The following ADAMTS19 variants were observed in gnomAD, a reference collection of about 807,000 sequenced individuals.
ADAMTS19 encodes ADAM metallopeptidase with thrombospondin type 1 motif 19.
ADAMTS19 carries 93 observed loss-of-function variants against 153.3 expected under a neutral mutation model. The observed-to-expected ratio is 0.61, with a 90% CI of 0.51 to 0.72. The LOEUF is 0.72. Among genes scored for constraint, ADAMTS19 ranks in the 30% least tolerant of loss-of-function variants. ADAMTS19 has a pLI of 0.00. For synonymous variants in ADAMTS19, 600 were observed against 556.6 expected (o/e 1.08, Z -1.10); for missense variants, 1,482 against 1,552.1 (o/e 0.95, Z 0.76).
intron 2 of ADAMTS19, among the ~76,000 whole-genome samples, chr5:129,462,400 TGTGATTTAC>T (rs1170927402): frequency 6.6e-6 from 1 of 152,244 alleles, no homozygotes; most frequent in African/African-American, 2.4e-5. Flanking sequence ...GTTATGGTTC[TGTGATTTAC>T]ATTTCATTTG....
At chr5:129,706,563 C>CAAAAAAAAAAAAA (rs1175652790) in intron 21 of ADAMTS19, among the ~76,000 whole-genome samples, 1 of 66,616 alleles carries the variant, frequency 1.5e-5, no homozygotes. Context: ...GAGTGAAACT[C>CAAAAAAAAAAAAA]AAAAAAAAAA....
chr5:129,712,341 C>T (rs886943190), intron 21 of ADAMTS19, among the ~76,000 whole-genome samples: 1 of 152,096 alleles, frequency 6.6e-6, no homozygotes, highest in African/African-American at 2.4e-5. Flanking sequence ...CCAAGATATC[C>T]TAAAAAAGAA....
intron 7 of ADAMTS19, among the ~76,000 whole-genome samples, chr5:129,581,842 G>A (rs1749531821): frequency 6.6e-6 from 1 of 152,016 alleles, no homozygotes; most frequent in South Asian, 2.1e-4. Context: ...ATTTATTTCT[G>A]CCTTAATTTC....
chr5:129,645,181 A>ACT (rs1379703462), intron 11 of ADAMTS19, among the ~76,000 whole-genome samples: 1 of 152,192 alleles, frequency 6.6e-6, no homozygotes, highest in African/African-American at 2.4e-5. Flanking sequence ...GTACTTTTAT[A>ACT]AATCAGATTG....
At chr5:129,568,179 C>T (rs2126857696) in intron 7 of ADAMTS19, among the ~76,000 whole-genome samples, 1 of 152,192 alleles carries the variant, frequency 6.6e-6, no homozygotes, top group African/African-American at 2.4e-5. Flanking sequence ...TTAAAGGAAA[C>T]TTGGAACATC....
intron 2 of ADAMTS19, among the ~76,000 whole-genome samples, chr5:129,506,104 A>C (rs1012106694): frequency 6.6e-6 from 1 of 152,202 alleles, no homozygotes; most frequent in Non-Finnish European, 1.5e-5. Flanking sequence ...CATTGCAGAT[A>C]AAACAATTTA....
At chr5:129,699,897 A>T (rs60612718) in intron 19 of ADAMTS19, among the ~76,000 whole-genome samples, 58 of 152,372 alleles carry the variant, frequency 3.8e-4, no homozygotes, top group African/African-American at 1.4e-3. Context: ...ATTGTATATC[A>T]GGAAATAATA....
intron 2 of ADAMTS19, among the ~76,000 whole-genome samples, chr5:129,508,783 A>T (rs1751342852): frequency 6.6e-6 from 1 of 152,040 alleles, no homozygotes; most frequent in South Asian, 2.1e-4. Context: ...TGGGTCTCCC[A>T]AAGTGAGCCT....
chr5:129,569,881 A>G (rs562200746), intron 7 of ADAMTS19, among the ~76,000 whole-genome samples: 3 of 152,140 alleles, frequency 2.0e-5, no homozygotes, highest in African/African-American at 4.8e-5. Context: ...TCTCACATCA[A>G]TAATCTAAGA....
At chr5:129,481,355 C>A (rs1017109564) in intron 2 of ADAMTS19, among the ~76,000 whole-genome samples, 9 of 152,128 alleles carry the variant, frequency 5.9e-5, no homozygotes, top group African/African-American at 2.2e-4. Flanking sequence ...GGAAACCACC[C>A]CCCATGATCT....
chr5:129,531,495 C>A (rs1418517064), intron 6 of ADAMTS19, among the ~76,000 whole-genome samples: 1 of 152,002 alleles, frequency 6.6e-6, no homozygotes, highest in Non-Finnish European at 1.5e-5. Flanking sequence ...CATGGTGGTG[C>A]ATGCCTGTAG....
intron 14 of ADAMTS19, among the ~76,000 whole-genome samples, chr5:129,658,305 AAGAAAAAGAAAGAAAGAAAGAAAG>A (rs1561632050): frequency 2.9e-5 from 3 of 104,920 alleles, no homozygotes; most frequent in African/African-American, 8.7e-5. Flanking sequence ...GAAAGAAAGA[AAGAAAAAGAAAGAAAGAAAGAAAG>A]AAAGAAAGAA....
chr5:129,517,633 G>T (rs2126741081), intron 3 of ADAMTS19, among the ~76,000 whole-genome samples: 1 of 151,746 alleles, frequency 6.6e-6, no homozygotes, highest in African/African-American at 2.4e-5. Context: ...TATTGGCCTG[G>T]CATATCTCTT....
chr5:129,580,030 A>G (rs1749431883), intron 7 of ADAMTS19, among the ~76,000 whole-genome samples: 4 of 152,142 alleles, frequency 2.6e-5, no homozygotes, highest in Admixed American at 6.5e-5. Context: ...TTTTGTCAGT[A>G]TGGCCATTTT....
chr5:129,711,950 A>T (rs1340430168), intron 21 of ADAMTS19, among the ~76,000 whole-genome samples: 1 of 151,970 alleles, frequency 6.6e-6, no homozygotes, highest in Non-Finnish European at 1.5e-5. Flanking sequence ...AACATAATAC[A>T]CTTTGGGTGA....
At chr5:129,656,552 C>T (rs550997824) in intron 14 of ADAMTS19, among the ~76,000 whole-genome samples, 73 of 152,300 alleles carry the variant, frequency 4.8e-4, no homozygotes, top group African/African-American at 1.7e-3. Context: ...ATGTTATTTG[C>T]GTATCTCCCG....
At chr5:129,682,339 C>T (rs1754858814) in intron 17 of ADAMTS19, among the ~76,000 whole-genome samples, 1 of 152,196 alleles carries the variant, frequency 6.6e-6, no homozygotes, top group Non-Finnish European at 1.5e-5. Flanking sequence ...CATGCTTCAG[C>T]ATGTGCCCCT....
rs1430382063 is a variant in ADAMTS19, at chr5:129,534,685, G to A, written c.1328+6008G>A. Reference sequence around the variant, plus strand: ...TGCAGAAATCCTCAATAAAATACTGGCAAACCGAATCCAGCAGCACATCAA... The same window carrying A: ...TGCAGAAATCCTCAATAAAATACTGACAAACCGAATCCAGCAGCACATCAA... On this transcript the variant is annotated intron_variant, in intron 6 of 22. Transcript: ENST00000274487. Among the ~76,000 whole-genome samples, 5 of 152,128 alleles carry A rather than the reference G, an allele frequency of 3.3e-5. No homozygotes were observed. In the South Asian group the frequency reaches 1.0e-3, roughly 31 times the overall value.
At chr5:129,711,252 C>G (rs929675844) in intron 21 of ADAMTS19, among the ~76,000 whole-genome samples, 2 of 152,128 alleles carry the variant, frequency 1.3e-5, no homozygotes, top group African/African-American at 4.8e-5. Context: ...TGTTAAGTAT[C>G]CACTGAAACT....
Sources: gnomAD v4.1 joint callset for allele counts (sites outside exome capture counted in the v4.1 genomes callset) on GRCh38, gnomAD v4.1.1 for gene constraint, MANE v1.5 for transcripts, NCBI Gene and HGNC (gene_info 2026-07-23, HGNC 2026-07-21) for gene names.